RBFOX1: variants seen among roughly 807,000 people sequenced by gnomAD.
RBFOX1 encodes RNA binding protein fox-1 homolog 1.
In RBFOX1, 8 loss-of-function variants were observed where a neutral mutation model predicts 57.7. That is an observed-to-expected ratio of 0.14 (90% confidence interval 0.08 to 0.25). The LOEUF is 0.25. Ranked by LOEUF, RBFOX1 falls within the 10% of genes least tolerant of loss-of-function variation. The probability of loss-of-function intolerance (pLI) is 1.00; values close to 1 mark genes in which losing one functional copy is unlikely to be tolerated. For synonymous variants in RBFOX1, 326 were observed against 222.4 expected (o/e 1.47, Z -4.15); for missense variants, 611 against 548.5 (o/e 1.11, Z -1.14).
chr16:7,652,306 CA>C (rs747211573), intron 11 of RBFOX1, among the ~76,000 whole-genome samples: 38 of 152,182 alleles, frequency 2.5e-4, no homozygotes, highest in Admixed American at 5.9e-4. Context: ...CAGTAGTTAT[CA>C]GGGGGCTGGG....
chr16:6,839,686 C>A (rs62017681), intron 3 of RBFOX1, among the ~76,000 whole-genome samples: 1 of 152,190 alleles, frequency 6.6e-6, no homozygotes, highest in South Asian at 2.1e-4. Flanking sequence ...AATTAAGATG[C>A]TGTTCACTGG....
intron 3 of RBFOX1, among the ~76,000 whole-genome samples, chr16:6,768,975 C>A (rs1196893642): frequency 6.6e-6 from 1 of 152,070 alleles, no homozygotes; most frequent in African/African-American, 2.4e-5. Context: ...GATCTGCCTG[C>A]CTCGGGCTCC....
At chr16:6,448,047 T>A (rs1350962741) in intron 2 of RBFOX1, among the ~76,000 whole-genome samples, 1 of 152,138 alleles carries the variant, frequency 6.6e-6, no homozygotes, top group Non-Finnish European at 1.5e-5. Context: ...TGCAAAGACA[T>A]TTCCCTTAAT....
At chr16:5,886,682 G>T (rs2057907152) in intron 4 of RBFOX1, among the ~76,000 whole-genome samples, 1 of 152,208 alleles carries the variant, frequency 6.6e-6, no homozygotes. Flanking sequence ...GAGGTCAGGA[G>T]TTTTGGACCA....
At chr16:5,865,437 C>G (rs999235563) in intron 3 of RBFOX1, among the ~76,000 whole-genome samples, 4 of 152,146 alleles carry the variant, frequency 2.6e-5, no homozygotes, top group Non-Finnish European at 5.9e-5. Context: ...CATGGCTTGG[C>G]AAGCCTTCAG....
chr16:7,094,596 C>T (rs576697814), intron 4 of RBFOX1, among the ~76,000 whole-genome samples: 1 of 150,370 alleles, frequency 6.7e-6, no homozygotes, highest in Non-Finnish European at 1.5e-5. Context: ...TCTTTGTTCC[C>T]TTGACTTGGG....
intron 3 of RBFOX1, among the ~76,000 whole-genome samples, chr16:5,847,839 C>T (rs113809053): frequency 1.3e-5 from 2 of 152,128 alleles, no homozygotes; most frequent in Non-Finnish European, 2.9e-5. Flanking sequence ...GCCCCATGCT[C>T]TGTTCAGAAT....
chr16:5,896,709 G>C (rs1395783693), intron 4 of RBFOX1, among the ~76,000 whole-genome samples: 1 of 152,184 alleles, frequency 6.6e-6, no homozygotes, highest in Non-Finnish European at 1.5e-5. Context: ...CAGGGTTGGG[G>C]AGAATAGGCA....
intron 3 of RBFOX1, among the ~76,000 whole-genome samples, chr16:5,823,759 G>C (rs113910104): frequency 6.6e-6 from 1 of 152,174 alleles, no homozygotes; most frequent in Non-Finnish European, 1.5e-5. Context: ...CCGATGATCT[G>C]TCACTGTCTC....
chr16:5,750,219 C>T (rs541719532), intron 3 of RBFOX1, among the ~76,000 whole-genome samples: 1 of 152,160 alleles, frequency 6.6e-6, no homozygotes, highest in Non-Finnish European at 1.5e-5. Flanking sequence ...CCGATCATTC[C>T]TTTGGAAGCT....
chr16:6,814,183 G>A (rs1475090584), intron 3 of RBFOX1, among the ~76,000 whole-genome samples: 2 of 146,528 alleles, frequency 1.4e-5, no homozygotes, highest in Admixed American at 7.1e-5. Flanking sequence ...AGATCTCATT[G>A]CATGATCAAC....
At chr16:6,726,466 C>T (rs1027383445) in intron 3 of RBFOX1, among the ~76,000 whole-genome samples, 5 of 151,708 alleles carry the variant, frequency 3.3e-5, no homozygotes, top group African/African-American at 1.2e-4. Flanking sequence ...TTAGCTCTTC[C>T]CGTTCCCAAG....
At chr16:5,378,180 C>G (rs374751501) in intron 1 of RBFOX1, among the ~76,000 whole-genome samples, 41 of 151,688 alleles carry the variant, frequency 2.7e-4, no homozygotes, top group African/African-American at 9.5e-4. Flanking sequence ...CTGGAATATT[C>G]AGCAACAGCT....
At chr16:6,116,349 A>C (rs996281469) in intron 1 of RBFOX1, among the ~76,000 whole-genome samples, 11 of 152,166 alleles carry the variant, frequency 7.2e-5, no homozygotes, top group African/African-American at 2.7e-4. Context: ...GCAAACCACC[A>C]TGGCATGTGT....
chr16:5,768,409 G>C lies in RBFOX1; in HGVS notation c.319-98894G>C, dbSNP rs115036271. 4.3e-3 allele frequency among the ~76,000 whole-genome samples: 652 copies of C among 152,250 alleles called. 8 individuals are homozygous for C. The highest frequency in any genetic ancestry group is 0.015 in the African/African-American group (628 of 41,556). On this transcript the variant is annotated intron_variant, in intron 3 of 19. Transcript: ENST00000641259. ...TTATTAGAAAGTCTGGTTTCAACAT[G>C]ACCTCACTGTTTAGACCCCCTTAAA...
chr16:5,732,645 G>C (rs960482509), intron 3 of RBFOX1, among the ~76,000 whole-genome samples: 3 of 152,178 alleles, frequency 2.0e-5, no homozygotes, highest in Non-Finnish European at 4.4e-5. Flanking sequence ...TTTTTGGCAA[G>C]AAGTAACTAC....
chr16:6,224,687 A>G (rs1324998239), intron 1 of RBFOX1, among the ~76,000 whole-genome samples: 1 of 152,162 alleles, frequency 6.6e-6, no homozygotes, highest in Non-Finnish European at 1.5e-5. Flanking sequence ...GTGTGTGAAG[A>G]TGACAGAAGC....
intron 2 of RBFOX1, among the ~76,000 whole-genome samples, chr16:5,506,400 C>G (rs74909463): frequency 0.02 from 3,096 of 152,298 alleles, 57 homozygotes; most frequent in Middle Eastern, 0.058. Flanking sequence ...ACTCTAAACC[C>G]CAATCCTTTC....
intron 1 of RBFOX1, chr16:6,037,477 A>G (rs982025727): frequency 6.6e-6 from 1 of 151,152 alleles, no homozygotes; most frequent in African/African-American, 2.4e-5. Flanking sequence ...TCAAGTTTTC[A>G]ATTTTACTAA....
Sources: gnomAD v4.1 joint callset for allele counts (sites outside exome capture counted in the v4.1 genomes callset) on GRCh38, gnomAD v4.1.1 for gene constraint, MANE v1.5 for transcripts, NCBI Gene and HGNC (gene_info 2026-07-23, HGNC 2026-07-21) for gene names.